The following SLC22A5 variants were observed in gnomAD, a reference collection of about 807,000 sequenced individuals.
SLC22A5 encodes the protein solute carrier family 22 member 5.
In SLC22A5, 44 loss-of-function variants were observed where a neutral mutation model predicts 56.7. The ratio of observed to expected loss-of-function variants is 0.78; its 90% confidence interval spans 0.61 to 1.00. The LOEUF is 1.00. SLC22A5 is among the 50% of genes least tolerant of loss of function. The pLI is 0.00. For synonymous variants in SLC22A5, 278 were observed against 292.1 expected (o/e 0.95, Z 0.49); for missense variants, 675 against 723.0 (o/e 0.93, Z 0.76).
At chr5:132,370,496 A>G in intron 1 of SLC22A5, 131 bp downstream of exon 1, 1 of 1,061,864 alleles carries the variant, frequency 9.4e-7, no homozygotes, top group South Asian at 1.5e-5. Context: ...TCAACACCCT[A>G]GCGATGGAGA....
chr5:132,380,246 G>A (rs1752301674), intron 2 of SLC22A5: 1 of 152,436 alleles, frequency 6.6e-6, no homozygotes, highest in Non-Finnish European at 1.5e-5. Flanking sequence ...AAAGGCATGG[G>A]AGCAGGACAA....
At chr5:132,387,268 C>T (rs549754306) in intron 5 of SLC22A5, 117 bp downstream of exon 5, 8 of 1,229,462 alleles carry the variant, frequency 6.5e-6, no homozygotes, top group East Asian at 4.7e-5. Flanking sequence ...CCGCCCAAGC[C>T]CCAACTGCCC....
Position 132,394,347 on chromosome 5 carries a change from A to G in SLC22A5, c.*75A>G. ...AAATGGCCAGCTTGTGCAGACTCCGAGTCCTTCAGTGACAAAAGGCCTTTG... is the reference window on the plus strand; with the variant it reads ...AAATGGCCAGCTTGTGCAGACTCCGGGTCCTTCAGTGACAAAAGGCCTTTG... On this transcript the variant is annotated 3_prime_UTR_variant, in exon 10 of 10. Coordinates refer to ENST00000245407, the MANE Select transcript of SLC22A5 (RefSeq NM_003060.4). 2.8e-6 allele frequency: 3 copies of G among 1,055,072 alleles called. No homozygotes were observed. The highest frequency in any genetic ancestry group is 4.3e-6 in the Non-Finnish European group (3 of 693,884). 65.4% of individuals were successfully genotyped at this position (1,055,072 alleles called of 1,614,324 possible).
At chr5:132,383,108 C>A (rs1476366410) in intron 2 of SLC22A5, 1 of 152,270 alleles carries the variant, frequency 6.6e-6, no homozygotes, top group East Asian at 1.9e-4. Context: ...CCAAGTCGAG[C>A]AGTAGAACTT....
chr5:132,389,163 GA>G (rs1201870875), intron 6 of SLC22A5, 142 bp downstream of exon 6: 4 of 668,920 alleles, frequency 6.0e-6, no homozygotes, highest in Non-Finnish European at 1.1e-5. Context: ...GTGTTAGATG[GA>G]AAAAATGGGC....
rs386134206 is a variant in SLC22A5, at chr5:132,385,367, C to G, written c.692C>G (p.Ser231Cys). ...ILGKSVRIIF[S>C]TLGVCIFYAF... ...GGCAAGTCAGTTCGTATAATATTCT[C>G]TACGTTAGGAGTGTGCATATTTTAT... Residue 231 changes from serine (S) to cysteine (C), a missense_variant, in exon 4 of 10, where the codon TCT becomes TGT. Physicochemically the swap from Ser to Cys is moderately radical, Grantham distance 112. Coordinates refer to ENST00000245407, the MANE Select transcript of SLC22A5 (RefSeq NM_003060.4). 2 of 1,614,094 alleles carry G rather than the reference C, an allele frequency of 1.2e-6. No homozygotes were observed. The highest frequency in any genetic ancestry group is 1.7e-5 in the Admixed American group (1 of 60,022).
intron 1 of SLC22A5, among the ~76,000 whole-genome samples, chr5:132,373,312 G>A (rs996230784): frequency 1.3e-5 from 2 of 151,184 alleles, no homozygotes; most frequent in Admixed American, 6.6e-5. Context: ...TGAGGTGTTG[G>A]GATTGGCAGA....
At position 132,392,964 on chromosome 5, in the gene SLC22A5, C is replaced by T. The variant is rs189576062; in HGVS notation, c.1450+349C>T. 4.6e-5 allele frequency among the ~76,000 whole-genome samples: 7 copies of T among 152,250 alleles called. No individual in the cohort carries two copies. In the East Asian group the frequency reaches 1.3e-3, roughly 29 times the overall value. On this transcript the variant is annotated intron_variant, in intron 8 of 9. Transcript: ENST00000245407. The stretch of plus-strand genomic sequence containing the variant: ...CTTAGTTGGAGAAATTTCTTGGAAT[C>T]AGAGTTTAAAAGGAACATGAGGGGA...
At chr5:132,387,233 T>G in intron 5 of SLC22A5, 82 bp downstream of exon 5, 1 of 1,544,190 alleles carries the variant, frequency 6.5e-7, no homozygotes, top group Non-Finnish European at 8.9e-7. Context: ...AAGTCCTCCC[T>G]GCTCACAGCA....
intron 5 of SLC22A5, 28 bp from the exon 6 acceptor site, chr5:132,388,893 C>G (rs745313029): frequency 1.2e-5 from 17 of 1,433,374 alleles, no homozygotes; most frequent in Non-Finnish European, 1.3e-5. Context: ...CCTCTTCTTC[C>G]CATACACTTA....
Position 132,369,819 on chromosome 5 carries a change from C to A in SLC22A5, c.-154C>A. 1.1e-6 allele frequency: 1 copy of A among 944,408 alleles called. No individual in the cohort carries two copies. The allele number at this position is 944,408 out of a possible 1,614,324, so 58.5% of individuals were successfully genotyped here. ...AAGGCCAGCCGCGGCAGGACCAAGGCGGCGGTGTCAGCTCGCGAGCCTACC... is the reference window on the plus strand; with the variant it reads ...AAGGCCAGCCGCGGCAGGACCAAGGAGGCGGTGTCAGCTCGCGAGCCTACC... On this transcript the variant is annotated 5_prime_UTR_variant, in exon 1 of 10. Transcript: ENST00000245407.
At chr5:132,387,222 G>A in intron 5 of SLC22A5, 71 bp downstream of exon 5, 1 of 1,586,514 alleles carries the variant, frequency 6.3e-7, no homozygotes, top group South Asian at 1.1e-5. Flanking sequence ...ACCCAGCCCT[G>A]AAGTCCTCCC....
chr5:132,392,107 G>A (rs1245032420), intron 7 of SLC22A5, among the ~76,000 whole-genome samples: 2 of 152,246 alleles, frequency 1.3e-5, no homozygotes, highest in Non-Finnish European at 2.9e-5. Context: ...TGCCTGCAGT[G>A]TGAGGTTCTG....
intron 2 of SLC22A5, chr5:132,380,357 A>G (rs1752306982): frequency 6.6e-6 from 1 of 152,120 alleles, no homozygotes; most frequent in Non-Finnish European, 1.5e-5. Context: ...GATCACAGTT[A>G]GGACTTTGGG....
At chr5:132,393,612 G>C in intron 8 of SLC22A5, 64 bp from the exon 9 acceptor site, 1 of 1,587,908 alleles carries the variant, frequency 6.3e-7, no homozygotes, top group Non-Finnish European at 8.6e-7. Context: ...GAGCATAAAG[G>C]GGTAGATGAG....
chr5:132,381,731 G>A (rs34741321), intron 2 of SLC22A5: 11,685 of 152,282 alleles, frequency 0.077, 588 homozygotes, highest in South Asian at 0.15. Context: ...CACAACTCTA[G>A]GAAGAAGTAG....
chr5:132,376,628 A>C (rs1165622588), intron 1 of SLC22A5: 1 of 152,208 alleles, frequency 6.6e-6, no homozygotes, highest in Non-Finnish European at 1.5e-5. Flanking sequence ...ATGGGTCCCC[A>C]ACCCTCACCT....
Position 132,385,493 on chromosome 5 carries a change from T to C in SLC22A5, c.818T>C (p.Leu273Pro), listed in dbSNP as rs760320629. The C allele has an allele frequency of 6.2e-7, 1 of 1,614,112 alleles. No homozygotes were observed. The highest frequency in any genetic ancestry group is 1.6e-4 in the Middle Eastern group (1 of 6,062). Residue 273 changes from leucine (L) to proline (P), a missense_variant, in exon 4 of 10, where the codon CTC (leucine) becomes CCC (proline). By Grantham distance (98) the Leu-to-Pro change is moderately conservative. Coordinates refer to ENST00000245407, the MANE Select transcript of SLC22A5 (RefSeq NM_003060.4). The part of the protein sequence containing the change: ...LTMPGVLCVA[L>P]WWFIPESPRW... Reference sequence around the variant, plus strand: ...ATGCCGGGGGTGCTATGCGTGGCACTCTGGTGGTGAGTGTGACCTTGTGCC... The same window carrying C: ...ATGCCGGGGGTGCTATGCGTGGCACCCTGGTGGTGAGTGTGACCTTGTGCC...
chr5:132,370,430 C>G (rs536865707), intron 1 of SLC22A5, 65 bp downstream of exon 1: 2 of 1,546,210 alleles, frequency 1.3e-6, no homozygotes, highest in South Asian at 2.3e-5. Flanking sequence ...TCCTTGAACC[C>G]GAGCTCCTCT....
Sources: gnomAD v4.1 joint callset for allele counts (sites outside exome capture counted in the v4.1 genomes callset) on GRCh38, gnomAD v4.1.1 for gene constraint, MANE v1.5 for transcripts, NCBI Gene and HGNC (gene_info 2026-07-23, HGNC 2026-07-21) for gene names.